CSMD1: variants seen among roughly 807,000 people sequenced by gnomAD.
CSMD1 encodes CUB and sushi domain-containing protein 1.
A neutral mutation model predicts 417.5 loss-of-function variants in CSMD1; 213 were observed. That is an observed-to-expected ratio of 0.51 (90% CI 0.46 to 0.57). The LOEUF (loss-of-function observed/expected upper bound fraction) is 0.57, where lower values mean the gene tolerates loss of function less well. Ranked by LOEUF, CSMD1 falls within the 20% of genes least tolerant of loss-of-function variation. The pLI is 0.00. For missense variants in CSMD1, 6,923 were observed against 4,529.7 expected, an observed-to-expected ratio of 1.53 and a Z score of -15.17; for synonymous variants, 2,862 against 1,736.8, an observed-to-expected ratio of 1.65 and a Z score of -16.11.
intron 25 of CSMD1, among the ~76,000 whole-genome samples, chr8:3,285,357 T>C (rs1320315492): frequency 6.6e-6 from 1 of 151,640 alleles, no homozygotes; most frequent in Non-Finnish European, 1.5e-5. Flanking sequence ...AGATCTTTAT[T>C]TTCCTACATT....
At chr8:4,867,509 T>G (rs934990855) in intron 1 of CSMD1, among the ~76,000 whole-genome samples, 27 of 152,100 alleles carry the variant, frequency 1.8e-4, no homozygotes, top group African/African-American at 6.3e-4. Context: ...CCAGCCAACC[T>G]CGGATATAAT....
At chr8:4,016,898 C>T (rs1052292085) in intron 4 of CSMD1, among the ~76,000 whole-genome samples, 1 of 152,180 alleles carries the variant, frequency 6.6e-6, no homozygotes, top group African/African-American at 2.4e-5. Context: ...CTGAAAAACA[C>T]AATCCCAAAT....
intron 1 of CSMD1, among the ~76,000 whole-genome samples, chr8:4,657,865 C>G (rs1210472455): frequency 6.6e-6 from 1 of 151,776 alleles, no homozygotes; most frequent in African/African-American, 2.4e-5. Context: ...GGCATCTGAA[C>G]AAGCAGAAAA....
intron 3 of CSMD1, among the ~76,000 whole-genome samples, chr8:4,190,283 C>T (rs928926611): frequency 6.8e-6 from 1 of 146,120 alleles, no homozygotes; most frequent in Non-Finnish European, 1.5e-5. Context: ...AAAGCAGAGA[C>T]TCTGGGTCTG....
At position 4,136,610 on chromosome 8, in the gene CSMD1, G is replaced by A. The variant is rs535874582; in HGVS notation, c.416-104511C>T. 2.6e-5 allele frequency among the ~76,000 whole-genome samples: 4 copies of A among 152,288 alleles called. No homozygotes were observed. In the South Asian group the frequency reaches 6.2e-4, roughly 24 times the overall value. ...ATGCCAATTCCAGCCAGCAAGAGAG[G>A]TTGAATATATTTCCATAAAAATAGT... On this transcript the variant is annotated intron_variant, in intron 3 of 69. Coordinates refer to ENST00000635120, the MANE Select transcript of CSMD1 (RefSeq NM_033225.6).
At chr8:4,657,273 G>C (rs115592776) in intron 1 of CSMD1, among the ~76,000 whole-genome samples, 6 of 152,306 alleles carry the variant, frequency 3.9e-5, no homozygotes, top group Admixed American at 3.3e-4. Flanking sequence ...CTAAGGCAGA[G>C]TTGTAAAAAG....
chr8:3,655,780 G>C (rs62474665), intron 7 of CSMD1, among the ~76,000 whole-genome samples: 1 of 151,974 alleles, frequency 6.6e-6, no homozygotes, highest in Non-Finnish European at 1.5e-5. Flanking sequence ...AGGCAGGAAA[G>C]GTAGAGTCTA....
chr8:4,794,142 T>C (rs1424843141), intron 1 of CSMD1, among the ~76,000 whole-genome samples: 3 of 152,226 alleles, frequency 2.0e-5, no homozygotes, highest in African/African-American at 7.2e-5. Flanking sequence ...TATTCTCTAA[T>C]AGACAGTCAA....
chr8:3,833,386 T>G (rs923356212), intron 5 of CSMD1, among the ~76,000 whole-genome samples: 1 of 152,286 alleles, frequency 6.6e-6, no homozygotes, highest in Admixed American at 6.5e-5. Context: ...TAAAATAATT[T>G]ACTGCATTCA....
At chr8:4,062,765 C>T (rs890905811) in intron 3 of CSMD1, among the ~76,000 whole-genome samples, 1 of 151,650 alleles carries the variant, frequency 6.6e-6, no homozygotes, top group African/African-American at 2.4e-5. Flanking sequence ...TCTGCATGCT[C>T]AGTAAAATCT....
chr8:4,352,753 G>A (rs1002128677), intron 3 of CSMD1, among the ~76,000 whole-genome samples: 3 of 152,190 alleles, frequency 2.0e-5, no homozygotes, highest in Non-Finnish European at 4.4e-5. Flanking sequence ...GTCATTTGAT[G>A]GAAACCATGG....
intron 1 of CSMD1, among the ~76,000 whole-genome samples, chr8:4,650,630 A>T (rs1251171678): frequency 6.6e-6 from 1 of 151,128 alleles, no homozygotes; most frequent in Non-Finnish European, 1.5e-5. Context: ...AGGAAGTGAC[A>T]GCCTTTCGAG....
chr8:4,524,096 C>G (rs1199116078), intron 2 of CSMD1, among the ~76,000 whole-genome samples: 1 of 151,926 alleles, frequency 6.6e-6, no homozygotes, highest in Non-Finnish European at 1.5e-5. Flanking sequence ...CTGGAATAGT[C>G]CCAAGAAAAA....
intron 1 of CSMD1, among the ~76,000 whole-genome samples, chr8:4,806,406 TTG>T (rs1219415547): frequency 3.3e-5 from 5 of 152,120 alleles, no homozygotes; most frequent in Non-Finnish European, 7.4e-5. Context: ...GCAAAGTTCT[TTG>T]CCATAAAAGT....
At chr8:4,648,359 C>T (rs985250816) in intron 1 of CSMD1, among the ~76,000 whole-genome samples, 1 of 152,148 alleles carries the variant, frequency 6.6e-6, no homozygotes, top group Admixed American at 6.5e-5. Context: ...TCCACATTCT[C>T]TGTGATCTAC....
At chr8:4,427,047 A>T (rs576691797) in intron 2 of CSMD1, among the ~76,000 whole-genome samples, 5 of 152,150 alleles carry the variant, frequency 3.3e-5, no homozygotes, top group African/African-American at 1.2e-4. Flanking sequence ...GTGTAGACGG[A>T]ACAGCCCCAG....
At chr8:3,526,221 T>C (rs1211071892) in intron 10 of CSMD1, among the ~76,000 whole-genome samples, 1 of 152,170 alleles carries the variant, frequency 6.6e-6, no homozygotes, top group African/African-American at 2.4e-5. Context: ...ACATCGTTTT[T>C]CCTTCCTGAA....
chr8:4,826,288 C>T (rs1038898755), intron 1 of CSMD1, among the ~76,000 whole-genome samples: 5 of 151,490 alleles, frequency 3.3e-5, no homozygotes, highest in African/African-American at 1.2e-4. Context: ...TACACACATA[C>T]GTATATGTAT....
chr8:4,813,592 C>T (rs1799034447), intron 1 of CSMD1, among the ~76,000 whole-genome samples: 1 of 152,160 alleles, frequency 6.6e-6, no homozygotes. Flanking sequence ...AAGTTCAAAT[C>T]TCTGGCAAAC....
Sources: allele counts gnomAD v4.1 joint callset (sites outside exome capture counted in the v4.1 genomes callset), GRCh38; gene constraint gnomAD v4.1.1; transcripts MANE v1.5; gene names NCBI Gene and HGNC (gene_info 2026-07-23, HGNC 2026-07-21).